Variants in TIAM2 observed in about 807,000 individuals in gnomAD.
The protein encoded by TIAM2 is rho guanine nucleotide exchange factor TIAM2.
TIAM2 carries 80 observed loss-of-function variants against 152.9 expected under a neutral mutation model. That is an observed-to-expected ratio of 0.52 (90% CI 0.44 to 0.63). TIAM2 has a LOEUF of 0.63. Among genes scored for constraint, TIAM2 ranks in the 30% least tolerant of loss-of-function variants. The pLI is 0.00. For synonymous variants in TIAM2, 804 were observed against 838.0 expected (o/e 0.96, Z 0.70); for missense variants, 1,965 against 2,120.1 (o/e 0.93, Z 1.44).
At chr6:155,097,538 G>A (rs999539394) in intron 2 of TIAM2, among the ~76,000 whole-genome samples, 7 of 152,052 alleles carry the variant, frequency 4.6e-5, no homozygotes, top group South Asian at 2.1e-4. Flanking sequence ...GAGAGGTCCC[G>A]TTCTGTTGCC....
At chr6:155,183,196 A>G in intron 13 of TIAM2, 41 bp from the exon 14 acceptor site, 2 of 1,595,592 alleles carry the variant, frequency 1.3e-6, no homozygotes, top group Non-Finnish European at 1.7e-6. Context: ...TCTCACAGTA[A>G]TCCCTCTCTC....
intron 1 of TIAM2, among the ~76,000 whole-genome samples, chr6:155,027,932 T>C (rs577924135): frequency 1.8e-5 from 2 of 112,848 alleles, no homozygotes; most frequent in African/African-American, 4.3e-5. Context: ...ATATATACTA[T>C]ATATAATATA....
intron 1 of TIAM2, among the ~76,000 whole-genome samples, chr6:155,055,004 G>A (rs1777410390): frequency 6.6e-6 from 1 of 152,102 alleles, no homozygotes; most frequent in African/African-American, 2.4e-5. Context: ...GTGATAGATG[G>A]GAACGTGCTG....
At chr6:155,047,095 T>G (rs1260033324) in intron 1 of TIAM2, among the ~76,000 whole-genome samples, 1 of 152,174 alleles carries the variant, frequency 6.6e-6, no homozygotes, top group African/African-American at 2.4e-5. Context: ...GCCTATGTAG[T>G]GTTTGTTCCC....
At chr6:155,096,257 A>G (rs1399159646) in intron 2 of TIAM2, among the ~76,000 whole-genome samples, 1 of 152,226 alleles carries the variant, frequency 6.6e-6, no homozygotes, top group African/African-American at 2.4e-5. Flanking sequence ...GTTCTGGGGT[A>G]TGAATGGTAA....
intron 14 of TIAM2, among the ~76,000 whole-genome samples, chr6:155,198,525 G>A (rs2115180856): frequency 6.6e-6 from 1 of 152,212 alleles, no homozygotes; most frequent in East Asian, 1.9e-4. Flanking sequence ...AGCCAGGCAT[G>A]GTGGCGTATG....
At position 155,244,113 on chromosome 6, in the gene TIAM2, C is replaced by T. The variant is rs143964466; in HGVS notation, c.3417+34C>T. Reference sequence around the variant, plus strand: ...AATCACCTTCCTTCTGTCCAGTGATCCACAGGTTAGTCTCTGTTTGCCTTT... The same window carrying T: ...AATCACCTTCCTTCTGTCCAGTGATTCACAGGTTAGTCTCTGTTTGCCTTT... On this transcript the variant is annotated intron_variant, in intron 17 of 26. Coordinates refer to ENST00000682666, the MANE Select transcript of TIAM2 (RefSeq NM_012454.4). 1.6e-4 allele frequency: 255 copies of T among 1,585,998 alleles called. 2 individuals carry two copies. In the East Asian group the frequency reaches 4.8e-3, roughly 30 times the overall value.
chr6:155,250,022 T>A, intron 21 of TIAM2, 53 bp downstream of exon 21: 1 of 1,384,730 alleles, frequency 7.2e-7, no homozygotes, highest in South Asian at 1.3e-5. Context: ...GTGGGGTCTG[T>A]AGGTGACCTT....
chr6:155,182,336 T>A lies in TIAM2; in HGVS notation c.2800+18T>A. ...TGGGGAAGGTCCGTGTGGCACACCG[T>A]GCCCCTGTTGCCTCTTAATTTGAAA... On this transcript the variant is annotated intron_variant, in intron 13 of 26. Coordinates refer to ENST00000682666, the MANE Select transcript of TIAM2 (RefSeq NM_012454.4). The A allele has an allele frequency of 6.3e-7, 1 of 1,593,252 alleles. No individual in the cohort carries two copies.
intron 10 of TIAM2, among the ~76,000 whole-genome samples, chr6:155,178,262 C>G (rs148158844): frequency 5.3e-5 from 8 of 150,676 alleles, no homozygotes; most frequent in African/African-American, 2.0e-4. Context: ...AATATGCATG[C>G]GAGAGAAAAT....
intron 2 of TIAM2, among the ~76,000 whole-genome samples, chr6:155,112,841 C>G (rs1189334069): frequency 6.6e-6 from 1 of 152,120 alleles, no homozygotes; most frequent in Non-Finnish European, 1.5e-5. Context: ...TCCCTTCGGC[C>G]CTCCAGAGCT....
At position 155,174,826 on chromosome 6, in the gene TIAM2, G is replaced by C. The variant is rs920937775; in HGVS notation, c.2362-1990G>C. Among the ~76,000 whole-genome samples the C allele has an allele frequency of 6.6e-6, 1 of 152,156 alleles. No individual in the cohort carries two copies. On this transcript the variant is annotated intron_variant, in intron 9 of 26. Coordinates refer to ENST00000682666, the MANE Select transcript of TIAM2 (RefSeq NM_012454.4). The surrounding 1 kb of genome is among the most constrained non-coding windows in gnomAD (Gnocchi z 4.2). Reference sequence around the variant, plus strand: ...AGTGCAGCAGTAAATTAATTGCTCTGTCACCCTCAGTGGGAGCCTGTGACT... The same window carrying C: ...AGTGCAGCAGTAAATTAATTGCTCTCTCACCCTCAGTGGGAGCCTGTGACT...
At chr6:155,130,630 T>C (rs1229734188) in intron 4 of TIAM2, among the ~76,000 whole-genome samples, 1 of 152,240 alleles carries the variant, frequency 6.6e-6, no homozygotes, top group African/African-American at 2.4e-5. Context: ...CCCACAACTT[T>C]AATCTTCCCA....
At position 154,995,990 on chromosome 6, in the gene TIAM2, C is replaced by T. The variant is rs949938708; in HGVS notation, c.-209+498C>T. ...GCAGGATCCCAGGCGGTCGGCTCAGCGAGTGTAGACCGTGCGGTCCCTGCT... is the reference window on the plus strand; with the variant it reads ...GCAGGATCCCAGGCGGTCGGCTCAGTGAGTGTAGACCGTGCGGTCCCTGCT... On this transcript the variant is annotated intron_variant, in intron 1 of 26. Coordinates refer to ENST00000682666, the MANE Select transcript of TIAM2 (RefSeq NM_012454.4). This position sits in a 1 kb window ranked among gnomAD's most constrained non-coding sequence, Gnocchi z 5.2. 2.0e-5 allele frequency among the ~76,000 whole-genome samples: 3 copies of T among 152,296 alleles called. No homozygotes were observed. The East Asian group carries it at 5.8e-4, about 30-fold the overall frequency.
At chr6:155,233,547 A>G (rs1041830934) in intron 15 of TIAM2, among the ~76,000 whole-genome samples, 1 of 152,220 alleles carries the variant, frequency 6.6e-6, no homozygotes, top group African/African-American at 2.4e-5. Context: ...GTCCTTATCC[A>G]TACATTAAAA....
intron 1 of TIAM2, among the ~76,000 whole-genome samples, chr6:155,040,745 C>G (rs1377725928): frequency 6.6e-6 from 1 of 152,260 alleles, no homozygotes; most frequent in East Asian, 1.9e-4. Context: ...TCTCAAACTC[C>G]TGCCCTCTGG....
intron 1 of TIAM2, among the ~76,000 whole-genome samples, chr6:155,089,935 T>G (rs1306420386): frequency 6.6e-6 from 1 of 152,130 alleles, no homozygotes; most frequent in Non-Finnish European, 1.5e-5. Context: ...TCCATCCATC[T>G]GTCCGTCCGT....
chr6:155,062,719 C>T (rs1265927448), intron 1 of TIAM2, among the ~76,000 whole-genome samples: 2 of 151,856 alleles, frequency 1.3e-5, no homozygotes, highest in Non-Finnish European at 2.9e-5. Flanking sequence ...GTTGGGATTA[C>T]AGGTACCCAC....
chr6:155,049,869 AAAT>A lies in TIAM2; in HGVS notation c.-208-40418_-208-40416del, dbSNP rs1583168218. On this transcript the variant is annotated intron_variant, in intron 1 of 26. Coordinates refer to ENST00000682666, the MANE Select transcript of TIAM2 (RefSeq NM_012454.4). ...TCTGAAATACATGTCATGATAAGAG[AAAT>A]AGCACCATGATGAAAGTTTGAGTTG... Among the ~76,000 whole-genome samples the A allele has an allele frequency of 1.3e-5, 2 of 152,178 alleles. 1 individual carries two copies. Among genetic ancestry groups the A allele is most frequent in the South Asian group, 4.1e-4 (2 of 4,830 alleles).
Sources: allele counts gnomAD v4.1 joint callset (sites outside exome capture counted in the v4.1 genomes callset), GRCh38; gene constraint gnomAD v4.1.1; non-coding constraint Gnocchi (gnomAD v3.1); transcripts MANE v1.5; gene names NCBI Gene and HGNC (gene_info 2026-07-23, HGNC 2026-07-21).